Variants in NEGR1 observed in about 807,000 individuals in gnomAD.
NEGR1 encodes the protein neuronal growth regulator 1, also known as IgLON family member 4.
NEGR1 carries 10 observed loss-of-function variants against 40.9 expected under a neutral mutation model. The observed-to-expected ratio is 0.24, with a 90% CI of 0.15 to 0.42. The LOEUF (loss-of-function observed/expected upper bound fraction) is 0.42. Ranked by LOEUF, NEGR1 falls within the 10% of genes least tolerant of loss-of-function variation. NEGR1 has a pLI of 1.00. For synonymous variants in NEGR1, 185 were observed against 166.8 expected (o/e 1.11, Z -0.84); for missense variants, 352 against 438.9 (o/e 0.80, Z 1.77).
chr1:71,822,455 G>C (rs1658464516), intron 2 of NEGR1, among the ~76,000 whole-genome samples: 1 of 151,964 alleles, frequency 6.6e-6, no homozygotes, highest in Non-Finnish European at 1.5e-5. Flanking sequence ...CATAAACAAA[G>C]TGTCTATGAT....
intron 2 of NEGR1, among the ~76,000 whole-genome samples, chr1:71,860,717 G>A (rs756217728): frequency 1.1e-4 from 17 of 151,906 alleles, no homozygotes; most frequent in Non-Finnish European, 2.2e-4. Flanking sequence ...AATTACAGAA[G>A]GATAAGTTTT....
intron 1 of NEGR1, among the ~76,000 whole-genome samples, chr1:71,942,349 A>G (rs1448547799): frequency 1.4e-5 from 2 of 148,014 alleles, no homozygotes; most frequent in Non-Finnish European, 3.0e-5. Flanking sequence ...ATGCAGAACT[A>G]TACTTAACGC....
chr1:71,931,947 T>C (rs1221682363), intron 2 of NEGR1, among the ~76,000 whole-genome samples: 1 of 152,164 alleles, frequency 6.6e-6, no homozygotes, highest in Non-Finnish European at 1.5e-5. Flanking sequence ...CAGTGAATAA[T>C]AGGTCATTTG....
chr1:71,609,514 CAAAAAAAA>C (rs61728217), intron 5 of NEGR1, among the ~76,000 whole-genome samples: 23 of 24,068 alleles, frequency 9.6e-4, no homozygotes, highest in South Asian at 2.5e-3. Flanking sequence ...GACTCCGTCT[CAAAAAAAA>C]AAAAAAAAAA....
intron 2 of NEGR1, among the ~76,000 whole-genome samples, chr1:71,888,659 C>T (rs1395384860): frequency 1.6e-5 from 2 of 122,618 alleles, no homozygotes; most frequent in Non-Finnish European, 3.4e-5. Context: ...CGCCATTGCC[C>T]AGGCTTGCTT....
intron 6 of NEGR1, among the ~76,000 whole-genome samples, chr1:71,447,447 T>C (rs1156594338): frequency 6.6e-6 from 1 of 152,228 alleles, no homozygotes; most frequent in African/African-American, 2.4e-5. Flanking sequence ...TCCCATATGA[T>C]GCTATGAAGA....
chr1:71,454,540 T>C (rs1444408869), intron 6 of NEGR1, among the ~76,000 whole-genome samples: 3 of 126,030 alleles, frequency 2.4e-5, no homozygotes, highest in Non-Finnish European at 5.2e-5. Flanking sequence ...TATCCAAATA[T>C]CCAGGTTTCC....
intron 6 of NEGR1, chr1:71,472,779 T>G (rs1340480052): frequency 6.6e-6 from 1 of 152,086 alleles, no homozygotes; most frequent in Non-Finnish European, 1.5e-5. Flanking sequence ...CAGGTATCAC[T>G]TAGACTTCCA....
At chr1:71,533,669 A>C (rs1276016555) in intron 6 of NEGR1, among the ~76,000 whole-genome samples, 1 of 151,626 alleles carries the variant, frequency 6.6e-6, no homozygotes, top group East Asian at 2.0e-4. Flanking sequence ...CTAACAAATA[A>C]ATTCTATGGT....
At chr1:71,939,967 T>G (rs1053432815) in intron 1 of NEGR1, among the ~76,000 whole-genome samples, 1 of 152,138 alleles carries the variant, frequency 6.6e-6, no homozygotes, top group Non-Finnish European at 1.5e-5. Context: ...GCCAGTTGGC[T>G]TGCATTCTTA....
chr1:71,574,139 C>T (rs1342811294), intron 6 of NEGR1, among the ~76,000 whole-genome samples: 1 of 152,186 alleles, frequency 6.6e-6, no homozygotes, highest in East Asian at 1.9e-4. Context: ...CTGGAAAATA[C>T]TAGGTTCCCT....
At chr1:71,886,077 T>C (rs1422618914) in intron 2 of NEGR1, among the ~76,000 whole-genome samples, 2 of 152,202 alleles carry the variant, frequency 1.3e-5, no homozygotes, top group African/African-American at 4.8e-5. Flanking sequence ...CAACCATTAA[T>C]AGTCCTTATG....
intron 1 of NEGR1, among the ~76,000 whole-genome samples, chr1:72,172,378 C>T (rs1272504814): frequency 6.6e-6 from 1 of 152,028 alleles, no homozygotes; most frequent in Admixed American, 6.6e-5. Flanking sequence ...TACCAACATG[C>T]AACCTTAAAA....
rs79533022 is a variant in NEGR1 at position 71,978,136 on chromosome 1, C to T, written c.177-42825G>A. On this transcript the variant is annotated intron_variant, in intron 1 of 6. Transcript: ENST00000357731. ...AGCCCTAGCATTGAAGATAAAAAAG[C>T]CTTTTATTTCAGCCTTTATAGTGGT... Among the ~76,000 whole-genome samples the T allele has an allele frequency of 7.0e-3, 1,061 of 152,162 alleles. 54 individuals are homozygous for T. The East Asian group carries it at 0.11, about 16-fold the overall frequency.
At chr1:71,645,450 A>G (rs976660072) in intron 4 of NEGR1, among the ~76,000 whole-genome samples, 1 of 151,944 alleles carries the variant, frequency 6.6e-6, no homozygotes, top group Admixed American at 6.6e-5. Flanking sequence ...TCAGATACCA[A>G]CATTTGTTCA....
chr1:72,241,205 T>G lies in NEGR1; in HGVS notation c.176+41114A>C, dbSNP rs75591957. On this transcript the variant is annotated intron_variant, in intron 1 of 6. Coordinates refer to ENST00000357731, the MANE Select transcript of NEGR1 (RefSeq NM_173808.3). ...GTTAGATAATAATTTATTGCTACAT[T>G]TAAGGAATCATTATGAATACAGCTT... 1.3e-3 allele frequency among the ~76,000 whole-genome samples: 204 copies of G among 151,884 alleles called. 3 individuals are homozygous for G. In the East Asian group the frequency reaches 0.031, roughly 23 times the overall value.
intron 3 of NEGR1, among the ~76,000 whole-genome samples, chr1:71,767,049 C>T (rs967919417): frequency 1.3e-5 from 2 of 152,198 alleles, no homozygotes; most frequent in Non-Finnish European, 2.9e-5. Context: ...TATGCAGTCT[C>T]GGGTATTTCT....
intron 2 of NEGR1, among the ~76,000 whole-genome samples, chr1:71,911,477 G>A (rs1319378976): frequency 6.6e-6 from 1 of 152,120 alleles, no homozygotes; most frequent in Non-Finnish European, 1.5e-5. Context: ...TCGGTCCTGA[G>A]GGAGTTGTAA....
chr1:71,473,074 C>T (rs1015466596), intron 6 of NEGR1, among the ~76,000 whole-genome samples: 3 of 151,904 alleles, frequency 2.0e-5, no homozygotes, highest in Non-Finnish European at 4.4e-5. Context: ...AAGGCTTTAG[C>T]ACTTGTCTAA....
Sources: allele counts gnomAD v4.1 joint callset (sites outside exome capture counted in the v4.1 genomes callset), GRCh38; gene constraint gnomAD v4.1.1; transcripts MANE v1.5; gene names NCBI Gene and HGNC (gene_info 2026-07-23, HGNC 2026-07-21).